GABRA3: variants seen among roughly 807,000 people sequenced by gnomAD.
The protein encoded by GABRA3 is gamma-aminobutyric acid type A receptor subunit alpha3.
In GABRA3, 10 loss-of-function variants were observed where a neutral mutation model predicts 30.1. The observed-to-expected ratio is 0.33, with a 90% CI of 0.20 to 0.56. The LOEUF is 0.56. Ranked by LOEUF, GABRA3 falls within the 20% of genes least tolerant of loss-of-function variation. GABRA3 has a pLI of 0.89. For missense variants in GABRA3, 233 were observed against 392.0 expected, an observed-to-expected ratio of 0.59 and a Z score of 3.42; for synonymous variants, 151 against 146.8, an observed-to-expected ratio of 1.03 and a Z score of -0.21.
intron 3 of GABRA3, among the ~76,000 whole-genome samples, chrX:152,292,135 C>A (rs933520495): frequency 9.9e-5 from 11 of 111,359 alleles, no homozygotes; most frequent in Non-Finnish European, 1.9e-5. Flanking sequence ...GCTGTGAATC[C>A]GTCTGGTCCT....
chrX:152,424,928 C>CTTTTTTTTTTTTTTTT (rs747255822), intron 1 of GABRA3, among the ~76,000 whole-genome samples: 1 of 42,358 alleles, frequency 2.4e-5, no homozygotes, highest in African/African-American at 1.2e-4. Context: ...TTTTTCTTTT[C>CTTTTTTTTTTTTTTTT]TTTTTTTTTT....
intron 2 of GABRA3, among the ~76,000 whole-genome samples, chrX:152,350,372 C>T (rs113742648): frequency 0.011 from 1,112 of 100,673 alleles, 24 homozygotes; most frequent in African/African-American, 0.039. Flanking sequence ...CCAAAATTGA[C>T]ACCCTAACAT....
chrX:152,441,795 C>T (rs1303180210), intron 1 of GABRA3, among the ~76,000 whole-genome samples: 2 of 111,550 alleles, frequency 1.8e-5, no homozygotes, highest in Non-Finnish European at 3.8e-5. Flanking sequence ...AAAAAAACTG[C>T]TTAATATTTT....
chrX:152,270,028 T>C (rs1416721561), intron 4 of GABRA3, among the ~76,000 whole-genome samples: 4 of 111,358 alleles, frequency 3.6e-5, no homozygotes, highest in Non-Finnish European at 5.7e-5. Context: ...GCAAAGAAAA[T>C]GAAACAATCT....
intron 1 of GABRA3, among the ~76,000 whole-genome samples, chrX:152,369,974 G>C (rs1245429348): frequency 5.4e-5 from 6 of 111,435 alleles, no homozygotes; most frequent in African/African-American, 1.6e-4. Flanking sequence ...CAGACTGAAA[G>C]GTTACTGGGC....
At chrX:152,190,054 C>A in intron 8 of GABRA3, 113 bp from the exon 9 acceptor site, 2 of 499,919 alleles carry the variant, frequency 4.0e-6, no homozygotes, top group African/African-American at 2.4e-5. Flanking sequence ...TCAAAATGGC[C>A]CTTTTAAAAT....
rs187385185 is a variant in GABRA3 at position 152,243,269 on chromosome X, T to C, written c.551+12509A>G. Among the ~76,000 whole-genome samples the C allele has an allele frequency of 3.1e-3, 349 of 111,836 alleles. 3 individuals are homozygous for C. The highest frequency in any genetic ancestry group is 0.011 in the African/African-American group (328 of 30,785). ...AGGAAAAATAAATTCAAGAGATCTA[T>C]TGTACAACATGGTGAGTATAGTTAA... On this transcript the variant is annotated intron_variant, in intron 5 of 9. Coordinates refer to ENST00000370314, the MANE Select transcript of GABRA3 (RefSeq NM_000808.4).
intron 6 of GABRA3, 85 bp downstream of exon 6, chrX:152,224,678 G>T: frequency 5.9e-6 from 4 of 674,403 alleles, no homozygotes; most frequent in Non-Finnish European, 9.1e-6. Context: ...TTAGAAACTT[G>T]CAGTGGACAG....
chrX:152,280,482 T>A (rs964226823), intron 4 of GABRA3, among the ~76,000 whole-genome samples: 2 of 111,086 alleles, frequency 1.8e-5, no homozygotes, highest in African/African-American at 3.3e-5. Context: ...AGGAAAGAGA[T>A]CCCTGTGCTA....
Position 152,345,613 on chromosome X carries a change from C to A in GABRA3, c.230G>T (p.Gly77Val). ...FTRILDRLLD[G>V]YDNRLRPGLG... The stretch of plus-strand genomic sequence containing the variant: ...CCCAGGTCGCAGCCGGTTGTCATAG[C>A]CGTCCAGAAGACGATCCAAGATTCT... Residue 77 changes from glycine to valine, a missense_variant, in exon 3 of 10, where the codon GGC (glycine) becomes GTC (valine). Physicochemically the swap from Gly to Val is moderately radical, Grantham distance 109. Coordinates refer to ENST00000370314, the MANE Select transcript of GABRA3 (RefSeq NM_000808.4). 8.3e-7 allele frequency: 1 copy of A among 1,208,883 alleles called. No homozygotes were observed. Among genetic ancestry groups the A allele is most frequent in the Non-Finnish European group, 1.1e-6 (1 of 894,101 alleles).
At chrX:152,234,540 T>C (rs960704665) in intron 5 of GABRA3, among the ~76,000 whole-genome samples, 1 of 111,817 alleles carries the variant, frequency 8.9e-6, no homozygotes, top group Non-Finnish European at 1.9e-5. Context: ...TCATAAATTC[T>C]TTGCCAAGGC....
intron 1 of GABRA3, among the ~76,000 whole-genome samples, chrX:152,427,601 G>T (rs1930543042): frequency 9.0e-6 from 1 of 111,433 alleles, no homozygotes; most frequent in Admixed American, 9.5e-5. Flanking sequence ...CACAGCATTC[G>T]GCTCACCGGA....
chrX:152,236,650 G>A (rs1279378971), intron 5 of GABRA3, among the ~76,000 whole-genome samples: 2 of 107,919 alleles, frequency 1.9e-5, no homozygotes, highest in Admixed American at 2.0e-4. Context: ...ATCTTGTCCA[G>A]CACCTGTTGT....
intron 1 of GABRA3, among the ~76,000 whole-genome samples, chrX:152,446,239 C>T (rs1931082715): frequency 8.9e-6 from 1 of 112,029 alleles, no homozygotes; most frequent in Admixed American, 9.4e-5. Context: ...ATGCTGACCA[C>T]ACCTTTCTTT....
chrX:152,187,732 C>T (rs1937273978), intron 9 of GABRA3, among the ~76,000 whole-genome samples: 3 of 111,805 alleles, frequency 2.7e-5, no homozygotes, highest in African/African-American at 9.8e-5. Flanking sequence ...TCATTACTAT[C>T]CTGCTAACTC....
intron 1 of GABRA3, among the ~76,000 whole-genome samples, chrX:152,404,654 G>A (rs1376893599): frequency 9.1e-6 from 1 of 109,791 alleles, no homozygotes; most frequent in African/African-American, 3.3e-5. Context: ...TCTGTGGACA[G>A]AGCACTGGCA....
chrX:152,177,190 AG>A (rs765004005), intron 9 of GABRA3, among the ~76,000 whole-genome samples: 2 of 112,038 alleles, frequency 1.8e-5, no homozygotes, highest in South Asian at 7.4e-4. Flanking sequence ...GGCAGTTGGA[AG>A]GAAGTCTCAA....
At chrX:152,217,959 T>C (rs1937759945) in intron 6 of GABRA3, among the ~76,000 whole-genome samples, 1 of 109,443 alleles carries the variant, frequency 9.1e-6, no homozygotes, top group African/African-American at 3.3e-5. Flanking sequence ...ATTCTTTATT[T>C]TATTTATTTT....
intron 4 of GABRA3, among the ~76,000 whole-genome samples, chrX:152,272,938 A>G (rs1938973391): frequency 9.0e-6 from 1 of 111,459 alleles, no homozygotes; most frequent in African/African-American, 3.3e-5. Flanking sequence ...TTCCCCAGTC[A>G]TGCGGAACTG....
Sources: gnomAD v4.1 joint callset for allele counts (sites outside exome capture counted in the v4.1 genomes callset) on GRCh38, gnomAD v4.1.1 for gene constraint, MANE v1.5 for transcripts, NCBI Gene and HGNC (gene_info 2026-07-23, HGNC 2026-07-21) for gene names.